PTPRO: variants seen among roughly 807,000 people sequenced by gnomAD.
PTPRO encodes the protein receptor-type tyrosine-protein phosphatase O.
Under a neutral mutation model 145.2 loss-of-function variants are expected in PTPRO, and 62 were observed. The observed-to-expected ratio is 0.43, with a 90% confidence interval of 0.35 to 0.53. The LOEUF is 0.53. Ranked by LOEUF, PTPRO falls within the 20% of genes least tolerant of loss-of-function variation. The probability of loss-of-function intolerance (pLI) is 0.01; values close to 1 mark genes in which losing one functional copy is unlikely to be tolerated. For synonymous variants in PTPRO, 565 were observed against 514.7 expected, an observed-to-expected ratio of 1.10 and a Z score of -1.32; for missense variants, 1,345 against 1,482.7, an observed-to-expected ratio of 0.91 and a Z score of 1.53.
intron 2 of PTPRO, among the ~76,000 whole-genome samples, chr12:15,494,573 A>T (rs1224904706): frequency 6.6e-6 from 1 of 152,230 alleles, no homozygotes; most frequent in East Asian, 1.9e-4. Flanking sequence ...CATCAACAGG[A>T]TTTACTGCTG....
chr12:15,374,572 T>G (rs994390875), intron 1 of PTPRO, among the ~76,000 whole-genome samples: 4 of 152,020 alleles, frequency 2.6e-5, no homozygotes, highest in Admixed American at 2.6e-4. Context: ...AATAGTAGCA[T>G]CCCCAGAGTA....
At chr12:15,548,526 A>ATG (rs1391237506) in intron 13 of PTPRO, among the ~76,000 whole-genome samples, 9 of 133,498 alleles carry the variant, frequency 6.7e-5, no homozygotes, top group South Asian at 4.9e-4. Context: ...GTGTGTATAT[A>ATG]TATGTGTGTG....
chr12:15,361,247 C>T (rs1309905428), intron 1 of PTPRO, among the ~76,000 whole-genome samples: 1 of 151,426 alleles, frequency 6.6e-6, no homozygotes, highest in Non-Finnish European at 1.5e-5. Flanking sequence ...ACCAGCCTGG[C>T]CAGCATGGTG....
chr12:15,500,708 G>C (rs3790004), intron 4 of PTPRO, among the ~76,000 whole-genome samples: 146,242 of 152,138 alleles, frequency 0.96, 70,348 homozygotes, highest in Middle Eastern at 1. Context: ...GATCACCTGA[G>C]GTCAGGAGTT....
chr12:15,335,049 A>C lies in PTPRO; in HGVS notation c.75+12248A>C, dbSNP rs571157356. Reference sequence around the variant, plus strand: ...TGGTGATCCATAAAATAGATATCCTAGTAAAATTACTATGAGCTTTCTACT... The same window carrying C: ...TGGTGATCCATAAAATAGATATCCTCGTAAAATTACTATGAGCTTTCTACT... On this transcript the variant is annotated intron_variant, in intron 1 of 26. Coordinates refer to ENST00000281171, the MANE Select transcript of PTPRO (RefSeq NM_030667.3). Among the ~76,000 whole-genome samples, 7 of 152,262 alleles carry C rather than the reference A, an allele frequency of 4.6e-5. No homozygotes were observed. The South Asian group carries it at 1.4e-3, about 32-fold the overall frequency.
chr12:15,332,255 CTTTG>C (rs557334730), intron 1 of PTPRO, among the ~76,000 whole-genome samples: 9 of 152,192 alleles, frequency 5.9e-5, no homozygotes, highest in South Asian at 2.1e-4. Flanking sequence ...ATGATAGATG[CTTTG>C]TTTATCTTTC....
At chr12:15,516,133 G>T (rs987758436) in intron 8 of PTPRO, among the ~76,000 whole-genome samples, 1 of 151,240 alleles carries the variant, frequency 6.6e-6, no homozygotes, top group African/African-American at 2.4e-5. Context: ...TGGGACTACA[G>T]GTACATGCCA....
At chr12:15,503,449 A>G (rs949255496) in intron 5 of PTPRO, among the ~76,000 whole-genome samples, 1 of 152,192 alleles carries the variant, frequency 6.6e-6, no homozygotes, top group Non-Finnish European at 1.5e-5. Context: ...ATCAGAAAAT[A>G]TACCTTAAAA....
At chr12:15,549,434 T>C (rs919813495) in intron 14 of PTPRO, among the ~76,000 whole-genome samples, 15 of 152,126 alleles carry the variant, frequency 9.9e-5, no homozygotes, top group Admixed American at 3.9e-4. Context: ...ATTGGAATAA[T>C]AATATGTAAC....
chr12:15,475,852 A>C (rs1312776986), intron 1 of PTPRO, among the ~76,000 whole-genome samples: 7 of 152,152 alleles, frequency 4.6e-5, no homozygotes, highest in African/African-American at 1.7e-4. Context: ...ATTTGTATCG[A>C]CTAGATGAGA....
chr12:15,397,978 A>G (rs572560404), intron 1 of PTPRO, among the ~76,000 whole-genome samples: 1 of 152,308 alleles, frequency 6.6e-6, no homozygotes, highest in East Asian at 1.9e-4. Flanking sequence ...TGAATAATTT[A>G]AGAGTCAAAG....
chr12:15,379,530 C>CAAAA (rs1211403772), intron 1 of PTPRO, among the ~76,000 whole-genome samples: 25 of 49,362 alleles, frequency 5.1e-4, no homozygotes, highest in Non-Finnish European at 7.7e-4. Flanking sequence ...AGCTCCATCT[C>CAAAA]AAAAAAAAAA....
At chr12:15,341,078 G>A (rs1282211818) in intron 1 of PTPRO, among the ~76,000 whole-genome samples, 2 of 152,004 alleles carry the variant, frequency 1.3e-5, no homozygotes, top group African/African-American at 2.4e-5. Flanking sequence ...AATTAGTTTT[G>A]CAAAGAAAAA....
intron 5 of PTPRO, among the ~76,000 whole-genome samples, chr12:15,502,699 GCCACTAACTTA>G (rs1591659236): frequency 1.3e-5 from 2 of 152,202 alleles, no homozygotes; most frequent in East Asian, 3.9e-4. Context: ...TTATATTTTA[GCCACTAACTTA>G]GGAAAGTAGA....
At chr12:15,406,265 G>T (rs1939644890) in intron 1 of PTPRO, among the ~76,000 whole-genome samples, 1 of 152,118 alleles carries the variant, frequency 6.6e-6, no homozygotes, top group Non-Finnish European at 1.5e-5. Context: ...CATTGCACAG[G>T]GATATTGTTA....
chr12:15,569,128 T>G (rs1438290052), intron 18 of PTPRO, among the ~76,000 whole-genome samples: 1 of 151,934 alleles, frequency 6.6e-6, no homozygotes, highest in Non-Finnish European at 1.5e-5. Context: ...CAGATGGGGG[T>G]GTGTGTATAC....
chr12:15,338,688 T>C (rs1202205088), intron 1 of PTPRO, among the ~76,000 whole-genome samples: 1 of 152,182 alleles, frequency 6.6e-6, no homozygotes, highest in Non-Finnish European at 1.5e-5. Context: ...GATAAAGTAA[T>C]ATTCTTCCAT....
intron 1 of PTPRO, among the ~76,000 whole-genome samples, chr12:15,458,856 T>C (rs544012947): frequency 1.1e-4 from 17 of 152,252 alleles, no homozygotes; most frequent in Non-Finnish European, 1.8e-4. Context: ...AGATTAATCT[T>C]GTACTTTGTT....
chr12:15,432,737 A>G (rs191651903), intron 1 of PTPRO, among the ~76,000 whole-genome samples: 1 of 152,268 alleles, frequency 6.6e-6, no homozygotes, highest in African/African-American at 2.4e-5. Context: ...TTTGATTTGC[A>G]TTTCTCTAAT....
Sources: allele counts gnomAD v4.1 joint callset (sites outside exome capture counted in the v4.1 genomes callset), GRCh38; gene constraint gnomAD v4.1.1; transcripts MANE v1.5; gene names NCBI Gene and HGNC (gene_info 2026-07-23, HGNC 2026-07-21).